Variants in COPE observed in about 807,000 individuals in gnomAD.
The protein encoded by COPE is coatomer subunit epsilon.
COPE carries 19 observed loss-of-function variants against 42.1 expected under a neutral mutation model. The ratio of observed to expected loss-of-function variants is 0.45; its 90% CI spans 0.31 to 0.66. The LOEUF is 0.66. Ranked by LOEUF, COPE falls within the 30% of genes least tolerant of loss-of-function variation. The probability of loss-of-function intolerance (pLI) is 0.05; values close to 1 mark genes in which losing one functional copy is unlikely to be tolerated. For synonymous variants in COPE, 195 were observed against 181.3 expected, an observed-to-expected ratio of 1.08 and a Z score of -0.60; for missense variants, 402 against 416.1, an observed-to-expected ratio of 0.97 and a Z score of 0.30.
At chr19:18,905,944 A>G in intron 4 of COPE, 1 of 507,700 alleles carries the variant, frequency 2.0e-6, no homozygotes, top group Non-Finnish European at 3.5e-6. Flanking sequence ...CCCTGGAGGC[A>G]TCAACACTCA....
chr19:18,917,279 T>C, intron 1 of COPE, among the ~76,000 whole-genome samples: 1 of 149,916 alleles, frequency 6.7e-6, no homozygotes, highest in African/African-American at 2.4e-5. Flanking sequence ...GTCTCACTTT[T>C]GACATAGTAA....
chr19:18,904,291 C>T (rs1047933366), intron 6 of COPE, among the ~76,000 whole-genome samples: 1 of 152,230 alleles, frequency 6.6e-6, no homozygotes, highest in African/African-American at 2.4e-5. Context: ...TAGGCCCACA[C>T]AAAAGAGTGG....
rs867699043 is a variant in COPE, at chr19:18,902,784, G to A, written c.735+484C>T. Among the ~76,000 whole-genome samples the A allele has an allele frequency of 2.5e-4, 14 of 55,068 alleles. 2 individuals carry two copies. The highest frequency in any genetic ancestry group is 1.2e-3 in the African/African-American group (4 of 3,448). The allele number at this position is 55,068 out of a possible 152,430, so 36.1% of individuals were successfully genotyped here. A position where few individuals can be genotyped will look rare whatever the true frequency, so the allele number is the denominator to read the frequency against. ...GGAAGGAAGGGAAAGAAGGAAGGAA[G>A]GAAGGAAGGAAGGAAGGAAGGAAGG... is the stretch of plus-strand genomic sequence containing the variant. On this transcript the variant is annotated intron_variant, in intron 7 of 9. Transcript: ENST00000262812.
intron 2 of COPE, among the ~76,000 whole-genome samples, chr19:18,912,766 C>T (rs2056822081): frequency 6.6e-6 from 1 of 150,634 alleles, no homozygotes; most frequent in African/African-American, 2.4e-5. Context: ...AATCAAGAAG[C>T]TGTGACCCAG....
Position 18,919,379 on chromosome 19 carries a change from G to A in COPE, c.-31C>T, listed in dbSNP as rs773321552. ...TGTCTTCTCACCAGCTCCTCTTCCT[G>A]AAAGACACGTCAGCCGGAAGCAAGA... On this transcript the variant is annotated 5_prime_UTR_variant, in exon 1 of 10. Coordinates refer to ENST00000262812, the MANE Select transcript of COPE (RefSeq NM_007263.4). 2.5e-6 allele frequency: 4 copies of A among 1,607,060 alleles called. No homozygotes were observed. Among genetic ancestry groups the A allele is most frequent in the East Asian group, 2.2e-5 (1 of 44,794 alleles).
intron 4 of COPE, 92 bp downstream of exon 4, chr19:18,906,868 T>G: frequency 7.1e-7 from 1 of 1,399,290 alleles, no homozygotes; most frequent in Non-Finnish European, 9.5e-7. Context: ...TCTGCTCCCA[T>G]GACGACAGCC....
At chr19:18,919,198 T>C (rs1420600881) in intron 1 of COPE, 25 bp downstream of exon 1, 1 of 1,593,362 alleles carries the variant, frequency 6.3e-7, no homozygotes, top group Non-Finnish European at 8.6e-7. Context: ...GCCCCCAGCG[T>C]CCCCGCGCCC....
intron 1 of COPE, 135 bp from the exon 2 acceptor site, chr19:18,913,181 C>A: frequency 1.3e-6 from 1 of 751,204 alleles, no homozygotes; most frequent in Non-Finnish European, 2.3e-6. Context: ...TGAGTCCCAG[C>A]CCTGATCCTC....
chr19:18,913,490 C>CA (rs1170360171), intron 1 of COPE, among the ~76,000 whole-genome samples: 3 of 152,248 alleles, frequency 2.0e-5, no homozygotes, highest in Non-Finnish European at 1.5e-5. Flanking sequence ...ACTTGGGCCA[C>CA]ACCCCCACAG....
chr19:18,902,894 G>A (rs1431856124), intron 7 of COPE, among the ~76,000 whole-genome samples: 1 of 151,568 alleles, frequency 6.6e-6, no homozygotes, highest in African/African-American at 2.4e-5. Flanking sequence ...CTCTCTCAAC[G>A]AAGAGCTCCT....
At chr19:18,908,023 A>G (rs1406647385) in intron 3 of COPE, among the ~76,000 whole-genome samples, 2 of 152,216 alleles carry the variant, frequency 1.3e-5, no homozygotes, top group Non-Finnish European at 2.9e-5. Context: ...GGGAGGAGCA[A>G]GGAGCTCCCA....
At chr19:18,908,048 A>C (rs1467524538) in intron 3 of COPE, among the ~76,000 whole-genome samples, 1 of 152,154 alleles carries the variant, frequency 6.6e-6, no homozygotes, top group Non-Finnish European at 1.5e-5. Context: ...CATCTTACAA[A>C]GCTTCCTGAG....
chr19:18,900,226 G>C (rs751783381), intron 8 of COPE, among the ~76,000 whole-genome samples, 155 bp downstream of exon 8: 19 of 152,190 alleles, frequency 1.2e-4, no homozygotes, highest in Non-Finnish European at 2.4e-4. Flanking sequence ...GGTGAGGATG[G>C]GTTGGGGGGC....
In COPE at chr19:18,911,444, C is replaced by A. The variant is rs2056809677; in HGVS notation, c.190-373G>T. On this transcript the variant is annotated intron_variant, in intron 2 of 9. Transcript: ENST00000262812. ...CTATAAAGCAGGACATGCCCCCAGCCAGCCCTGCCCACCTACTGGCCCTCT... is the reference window on the plus strand; with the variant it reads ...CTATAAAGCAGGACATGCCCCCAGCAAGCCCTGCCCACCTACTGGCCCTCT... The A allele has an allele frequency of 1.3e-5, 3 of 232,376 alleles. No homozygotes were observed. In the East Asian group the frequency reaches 2.7e-4, roughly 21 times the overall value. 14.4% of individuals were successfully genotyped at this position (232,376 alleles called of 1,614,324 possible). A position where few individuals can be genotyped will look rare whatever the true frequency, so the allele number is the denominator to read the frequency against.
At chr19:18,911,799 A>G (rs749717768) in intron 2 of COPE, among the ~76,000 whole-genome samples, 3 of 143,750 alleles carry the variant, frequency 2.1e-5, no homozygotes, top group Middle Eastern at 4.0e-3. Context: ...TGATCCACCC[A>G]CCTTGGCCTC....
chr19:18,913,521 GA>G (rs2056829423), intron 1 of COPE, among the ~76,000 whole-genome samples: 1 of 152,230 alleles, frequency 6.6e-6, no homozygotes, highest in Admixed American at 6.5e-5. Context: ...GCACAGAACT[GA>G]GGAGCAAGAG....
chr19:18,903,570 G>T, intron 6 of COPE, 147 bp from the exon 7 acceptor site: 1 of 969,224 alleles, frequency 1.0e-6, no homozygotes, highest in South Asian at 2.0e-5. Flanking sequence ...CCGCCATGGG[G>T]ACTACCCGTA....
At position 18,910,975 on chromosome 19, in the gene COPE, G is replaced by C; in HGVS notation, c.286C>G (p.Arg96Gly). The C allele has an allele frequency of 6.2e-7, 1 of 1,613,676 alleles. No homozygotes were observed. ...MFADYLAHES[R>G]RDSIVAELDR... The stretch of plus-strand genomic sequence containing the variant: ...ACCCATTCTCTGGGGCCTCACCTCC[G>C]ACTCTCGTGGGCGAGGTAGTCAGCA... Residue 96 changes from arginine (R) to glycine (G), a missense_variant, in exon 3 of 10, where the codon CGG becomes GGG. Physicochemically the swap from Arg to Gly is moderately radical, Grantham distance 125. Coordinates refer to ENST00000262812, the MANE Select transcript of COPE (RefSeq NM_007263.4).
At chr19:18,903,103 G>A (rs2056724178) in intron 7 of COPE, among the ~76,000 whole-genome samples, 165 bp downstream of exon 7, 1 of 152,152 alleles carries the variant, frequency 6.6e-6, no homozygotes, top group Admixed American at 6.5e-5. Flanking sequence ...TTGCAGGTGA[G>A]ATCCCTGCTT....
Sources: gnomAD v4.1 joint callset for allele counts (sites outside exome capture counted in the v4.1 genomes callset) on GRCh38, gnomAD v4.1.1 for gene constraint, MANE v1.5 for transcripts, NCBI Gene and HGNC (gene_info 2026-07-23, HGNC 2026-07-21) for gene names.